The following KCTD3 variants were observed in gnomAD, a reference collection of about 807,000 sequenced individuals.
The protein encoded by KCTD3 is potassium channel tetramerization domain containing 3, also known as BTB/POZ domain-containing protein KCTD3.
KCTD3 carries 41 observed loss-of-function variants against 85.8 expected under a neutral mutation model. The observed-to-expected ratio is 0.48, with a 90% CI of 0.37 to 0.62. KCTD3 has a LOEUF of 0.62. KCTD3 is among the 20% of genes least tolerant of loss of function. The pLI is 0.00. For missense variants in KCTD3, 724 were observed against 989.9 expected (o/e 0.73, Z 3.60); for synonymous variants, 338 against 345.4 (o/e 0.98, Z 0.24).
At chr1:215,599,395 G>T (rs527310739) in intron 10 of KCTD3, among the ~76,000 whole-genome samples, 2 of 152,272 alleles carry the variant, frequency 1.3e-5, no homozygotes, top group African/African-American at 4.8e-5. Context: ...AAGTTTACAG[G>T]TATAGAGATT....
intron 12 of KCTD3, among the ~76,000 whole-genome samples, chr1:215,603,538 GTATGTTTATTCCC>G (rs1654910461): frequency 6.6e-6 from 1 of 152,166 alleles, no homozygotes; most frequent in African/African-American, 2.4e-5. Context: ...AATGTAATGG[GTATGTTTATTCCC>G]TAGCACAGTG....
rs1286877737 is a variant in KCTD3 at position 215,579,084 on chromosome 1, G to A, written c.482G>A (p.Gly161Glu). The A allele has an allele frequency of 1.2e-6, 2 of 1,600,456 alleles. No homozygotes were observed. Among genetic ancestry groups the A allele is most frequent in the South Asian group, 2.3e-5 (2 of 88,216 alleles). Residue 161 changes from glycine (G) to glutamate (E), a missense_variant, in exon 7 of 18, where the codon GGA (glycine) becomes GAA (glutamate). Physicochemically the swap from Gly to Glu is moderately conservative, Grantham distance 98. Coordinates refer to ENST00000259154, the MANE Select transcript of KCTD3 (RefSeq NM_016121.5). ...GLNSTEGEAR[G>E]NGTQPVLSGT... The stretch of plus-strand genomic sequence containing the variant: ...AATTCTACAGAAGGTGAAGCCCGGG[G>A]AAATGGTACACAGCCTGTTCTCTCT...
chr1:215,574,003 G>T, intron 2 of KCTD3, 70 bp from the exon 3 acceptor site: 1 of 1,170,670 alleles, frequency 8.5e-7, no homozygotes, highest in South Asian at 1.5e-5. Flanking sequence ...TTTAACATTT[G>T]GTAAAGAATT....
chr1:215,575,963 A>G lies in KCTD3; in HGVS notation c.246A>G (p.Glu82=). ...APILNFLRTK[E]LDLRGVSINV... ...TTTTAAATTTTCTTCGGACAAAAGA[A>G]CTAGACTTAAGGTAAGAAATGCACT... is the stretch of plus-strand genomic sequence containing the variant. The change falls in exon 4 of 18, where the codon GAA becomes GAG. Residue 82 remains glutamate, a synonymous_variant. Transcript: ENST00000259154. 6 of 1,523,714 alleles carry G rather than the reference A, an allele frequency of 3.9e-6. No homozygotes were observed. The highest frequency in any genetic ancestry group is 5.4e-6 in the Non-Finnish European group (6 of 1,112,460). 94.4% of individuals were successfully genotyped at this position (1,523,714 alleles called of 1,614,324 possible). A position where few individuals can be genotyped will look rare whatever the true frequency, so the allele number is the denominator to read the frequency against.
chr1:215,567,505 A>C lies in KCTD3; in HGVS notation c.-181A>C. The C allele has an allele frequency of 3.7e-6, 1 of 273,772 alleles. No homozygotes were observed. The highest frequency in any genetic ancestry group is 6.7e-6 in the Non-Finnish European group (1 of 149,366). 17.0% of individuals were successfully genotyped at this position (273,772 alleles called of 1,614,324 possible). A position where few individuals can be genotyped will look rare whatever the true frequency, so the allele number is the denominator to read the frequency against. On this transcript the variant is annotated 5_prime_UTR_variant, in exon 1 of 18. Coordinates refer to ENST00000259154, the MANE Select transcript of KCTD3 (RefSeq NM_016121.5). ...CCGCAGGATTGACCCGGGAAGGGGC[A>C]GAAGCTAGCGAGCCCCGCCCGGCCG...
chr1:215,616,601 A>G (rs1240168095), intron 15 of KCTD3, among the ~76,000 whole-genome samples: 1 of 151,992 alleles, frequency 6.6e-6, no homozygotes, highest in Non-Finnish European at 1.5e-5. Context: ...TCTCTACTAA[A>G]AATACAAAAT....
chr1:215,611,909 C>A lies in KCTD3; in HGVS notation c.1550C>A (p.Ser517Ter). The A allele has an allele frequency of 1.3e-6, 2 of 1,598,926 alleles. No homozygotes were observed. The highest frequency in any genetic ancestry group is 1.7e-6 in the Non-Finnish European group (2 of 1,167,760). ...ITNKLFVRLS[S>*]TGKRICEIQA... ...AACAAACTATTTGTAAGACTCTCAT[C>A]GACTGGAAAAAGGTAACACTTTATT... The change falls in exon 15 of 18, where the codon TCG becomes TAG. Residue 517 changes from serine (S) to a stop codon, truncating the protein, a stop_gained. Transcript: ENST00000259154. LOFTEE classifies it high-confidence loss of function.
At chr1:215,587,622 A>G (rs1660060097) in intron 9 of KCTD3, among the ~76,000 whole-genome samples, 1 of 152,214 alleles carries the variant, frequency 6.6e-6, no homozygotes, top group African/African-American at 2.4e-5. Flanking sequence ...GAACTGTGAT[A>G]TCTATTTCTG....
chr1:215,602,476 A>G (rs1654872333), intron 12 of KCTD3, among the ~76,000 whole-genome samples: 1 of 142,184 alleles, frequency 7.0e-6, no homozygotes, highest in Non-Finnish European at 1.6e-5. Flanking sequence ...CTGAAATTTC[A>G]AAAAAAAAAA....
At chr1:215,594,631 G>A (rs1660344149) in intron 9 of KCTD3, among the ~76,000 whole-genome samples, 1 of 151,860 alleles carries the variant, frequency 6.6e-6, no homozygotes, top group Admixed American at 6.6e-5. Flanking sequence ...TGTTATTATT[G>A]TATCAAATTA....
At chr1:215,585,734 AC>A (rs1371807224) in intron 8 of KCTD3, among the ~76,000 whole-genome samples, 205 of 152,284 alleles carry the variant, frequency 1.3e-3, no homozygotes, top group African/African-American at 4.5e-3. Flanking sequence ...TTTCTTTAAA[AC>A]CTAAATTCAG....
intron 15 of KCTD3, among the ~76,000 whole-genome samples, chr1:215,614,682 T>A (rs2102605010): frequency 6.6e-6 from 1 of 152,354 alleles, no homozygotes; most frequent in Admixed American, 6.5e-5. Context: ...TTTTTAAAAC[T>A]TTGCTGAAGT....
intron 4 of KCTD3, 133 bp from the exon 5 acceptor site, chr1:215,577,537 G>C (rs978651496): frequency 5.2e-5 from 31 of 596,214 alleles, no homozygotes; most frequent in Middle Eastern, 4.1e-4. Context: ...TAGAAATAAA[G>C]AGTATTAGGA....
At chr1:215,610,015 C>A (rs1372235341) in intron 14 of KCTD3, among the ~76,000 whole-genome samples, 3 of 151,920 alleles carry the variant, frequency 2.0e-5, no homozygotes, top group Admixed American at 2.0e-4. Flanking sequence ...TATTTATAAA[C>A]AGCCCTGTAA....
chr1:215,569,516 C>T (rs1026987663), intron 1 of KCTD3, among the ~76,000 whole-genome samples: 1 of 151,748 alleles, frequency 6.6e-6, no homozygotes, highest in Admixed American at 6.6e-5. Context: ...TGGCTTAATA[C>T]TGAGTGAACT....
rs772196597 is a variant in KCTD3 at position 215,620,405 on chromosome 1, T to C, written c.2235T>C (p.Asp745=). ...FSESKKRSSE[D]ENENKIEFRK... is the part of the protein sequence containing the mutation. ...AATCCAAGAAAAGGTCATCAGAAGA[T>C]GAAAATGAAAATAAAATAGAGTTTA... Residue 745 remains aspartate (D), a synonymous_variant, in exon 18 of 18, where the codon GAT becomes GAC. Coordinates refer to ENST00000259154, the MANE Select transcript of KCTD3 (RefSeq NM_016121.5). The C allele has an allele frequency of 3.3e-5, 53 of 1,612,596 alleles. No individual in the cohort carries two copies. The highest frequency in any genetic ancestry group is 5.0e-5 in the Admixed American group (3 of 59,752).
At chr1:215,589,059 G>A (rs530742532) in intron 9 of KCTD3, among the ~76,000 whole-genome samples, 2 of 152,000 alleles carry the variant, frequency 1.3e-5, no homozygotes, top group Middle Eastern at 3.4e-3. Context: ...CTAGTTTGAA[G>A]GTCTATACCA....
chr1:215,617,776 CTATA>C (rs148720921), intron 15 of KCTD3, among the ~76,000 whole-genome samples: 1 of 143,400 alleles, frequency 7.0e-6, no homozygotes, highest in Non-Finnish European at 1.5e-5. Context: ...CATTGTCCCA[CTATA>C]TATATATATA....
At chr1:215,585,305 G>C (rs1470885683) in intron 8 of KCTD3, among the ~76,000 whole-genome samples, 1 of 152,048 alleles carries the variant, frequency 6.6e-6, no homozygotes, top group African/African-American at 2.4e-5. Flanking sequence ...ACAATGCTTA[G>C]GAAAAATTGA....
Sources: gnomAD v4.1 joint callset for allele counts (sites outside exome capture counted in the v4.1 genomes callset) on GRCh38, gnomAD v4.1.1 for gene constraint, MANE v1.5 for transcripts, NCBI Gene and HGNC (gene_info 2026-07-23, HGNC 2026-07-21) for gene names.